The following CRACD variants were observed in gnomAD, a reference collection of about 807,000 sequenced individuals.
CRACD encodes capping protein-inhibiting regulator of actin dynamics.
CRACD carries 56 observed loss-of-function variants against 106.8 expected under a neutral mutation model. The observed-to-expected ratio is 0.52, with a 90% CI of 0.42 to 0.66. CRACD has a LOEUF of 0.66. Among genes scored for constraint, CRACD ranks in the 30% least tolerant of loss-of-function variants. The probability of loss-of-function intolerance (pLI) is 0.00; values close to 1 mark genes in which losing one functional copy is unlikely to be tolerated. For missense variants in CRACD, 1,730 were observed against 1,623.2 expected, an observed-to-expected ratio of 1.07 and a Z score of -1.13; for synonymous variants, 754 against 670.8, an observed-to-expected ratio of 1.12 and a Z score of -1.92.
At chr4:56,171,274 AAAAG>A (rs777026526) in intron 1 of CRACD, among the ~76,000 whole-genome samples, 3 of 152,188 alleles carry the variant, frequency 2.0e-5, no homozygotes, top group Admixed American at 6.5e-5. Context: ...TAAAAAAAAA[AAAAG>A]AAAGACTATG....
chr4:56,237,446 T>A lies in CRACD; in HGVS notation c.-188-34875T>A, dbSNP rs756719126. Among the ~76,000 whole-genome samples the A allele has an allele frequency of 7.8e-4, 119 of 152,146 alleles. 1 individual carries two copies. The highest frequency in any genetic ancestry group is 4.8e-3 in the Admixed American group (73 of 15,274). ...AAAAAATTAGTAAGAAAGATGGACC[T>A]TAGGTTCAAAGAATTGGGCTGATTA... On this transcript the variant is annotated intron_variant, in intron 2 of 10. Transcript: ENST00000682029.
chr4:56,056,931 A>G (rs184280029), intron 1 of CRACD, among the ~76,000 whole-genome samples: 203 of 152,310 alleles, frequency 1.3e-3, no homozygotes, highest in African/African-American at 4.5e-3. Context: ...TAAAAAACCA[A>G]CATACTGGAT....
At chr4:56,325,699 G>A (rs1746397448) in intron 10 of CRACD, among the ~76,000 whole-genome samples, 1 of 152,142 alleles carries the variant, frequency 6.6e-6, no homozygotes, top group African/African-American at 2.4e-5. Context: ...CTTGAAGGAT[G>A]GATGACTCTG....
Position 56,314,410 on chromosome 4 carries a change from C to T in CRACD, c.908C>T (p.Ala303Val), listed in dbSNP as rs911906391. Residue 303 changes from alanine to valine, a missense_variant, in exon 8 of 11, where the codon GCG becomes GTG. By Grantham distance (64) the Ala-to-Val change is moderately conservative. This residue lies in a region of CRACD where 1,620 missense variants were observed against 1,481.6 expected (regional missense o/e 1.09). Coordinates refer to ENST00000682029, the MANE Select transcript of CRACD (RefSeq NM_001393381.1). The surrounding 1 kb of genome is among the most constrained non-coding windows in gnomAD (Gnocchi z 4.4). The stretch of plus-strand genomic sequence containing the variant: ...CTGGAAGCGCCAGGTTGGGAGGACG[C>T]GGAGCGGAGGGAGCGTGAGGAGCGC... ...RSLEAPGWED[A>V]ERREREERER... 1.3e-6 allele frequency: 2 copies of T among 1,540,992 alleles called. No homozygotes were observed. Among genetic ancestry groups the T allele is most frequent in the Non-Finnish European group, 1.7e-6 (2 of 1,143,526 alleles).
intron 1 of CRACD, among the ~76,000 whole-genome samples, chr4:56,148,029 C>T (rs1178023379): frequency 6.6e-6 from 1 of 152,094 alleles, no homozygotes; most frequent in Admixed American, 6.5e-5. Context: ...AGGGAAAAGG[C>T]CATGTGAAGA....
chr4:56,053,181 A>G (rs980289681), intron 1 of CRACD, among the ~76,000 whole-genome samples: 1 of 152,220 alleles, frequency 6.6e-6, no homozygotes, highest in African/African-American at 2.4e-5. Context: ...TTAAGGCACA[A>G]AATGAAGCCT....
At chr4:56,209,249 A>G (rs919679541) in intron 2 of CRACD, among the ~76,000 whole-genome samples, 1 of 152,124 alleles carries the variant, frequency 6.6e-6, no homozygotes, top group Non-Finnish European at 1.5e-5. Flanking sequence ...TTTTATCTAC[A>G]TTCCTTTTAT....
intron 1 of CRACD, among the ~76,000 whole-genome samples, chr4:56,128,938 GTATT>G (rs1482140159): frequency 6.6e-6 from 1 of 152,008 alleles, no homozygotes; most frequent in Non-Finnish European, 1.5e-5. Context: ...TCTTCAGCAA[GTATT>G]TATTCTTTAA....
chr4:56,182,756 T>C (rs1736885300), intron 2 of CRACD, among the ~76,000 whole-genome samples: 1 of 152,170 alleles, frequency 6.6e-6, no homozygotes, highest in Non-Finnish European at 1.5e-5. Context: ...TTTTTCCTCT[T>C]TTAGGAAGTT....
chr4:56,194,899 A>T (rs563755160), intron 2 of CRACD, among the ~76,000 whole-genome samples: 30 of 152,232 alleles, frequency 2.0e-4, no homozygotes, highest in Non-Finnish European at 3.5e-4. Flanking sequence ...CCTCTGGGAT[A>T]GATCTGGCCA....
intron 2 of CRACD, among the ~76,000 whole-genome samples, chr4:56,228,607 CAAAAAAAAA>C (rs35810086): frequency 1.1e-4 from 11 of 101,522 alleles, no homozygotes; most frequent in African/African-American, 4.1e-4. Flanking sequence ...CCATCTCTAC[CAAAAAAAAA>C]AAAAAAAAAA....
chr4:56,203,930 A>G (rs553658771), intron 2 of CRACD, among the ~76,000 whole-genome samples: 8 of 152,186 alleles, frequency 5.3e-5, no homozygotes, highest in Admixed American at 3.9e-4. Flanking sequence ...CTGGGACAAA[A>G]CTGCTGTTTG....
At chr4:56,235,127 CAT>C (rs1739889570) in intron 2 of CRACD, among the ~76,000 whole-genome samples, 2 of 152,262 alleles carry the variant, frequency 1.3e-5, no homozygotes, top group South Asian at 4.1e-4. Context: ...CCTATATTCA[CAT>C]GATTGTATCC....
intron 7 of CRACD, 149 bp downstream of exon 7, chr4:56,313,528 C>G: frequency 1.4e-6 from 1 of 708,180 alleles, no homozygotes; most frequent in East Asian, 2.7e-5. Context: ...TTGGGGAATA[C>G]ACAGGCCTGT....
Position 56,057,804 on chromosome 4 carries a change from T to TAATAGAGATGGGG in CRACD, c.-336+8505_-336+8506insAATAGAGATGGGG, listed in dbSNP as rs1354572220. ...ACACCTGGCTCATTTTTTGTATTTT[T>TAATAGAGATGGGG]TTTTTTTTTGTTTTTTTTTTTTTTT... is the stretch of plus-strand genomic sequence containing the variant. On this transcript the variant is annotated intron_variant, in intron 1 of 10. Coordinates refer to ENST00000682029, the MANE Select transcript of CRACD (RefSeq NM_001393381.1). Among the ~76,000 whole-genome samples, 601 of 106,730 alleles carry TAATAGAGATGGGG rather than the reference T, an allele frequency of 5.6e-3. 6 individuals carry two copies. Among genetic ancestry groups the TAATAGAGATGGGG allele is most frequent in the African/African-American group, 0.01 (195 of 19,316 alleles). 70.0% of individuals were successfully genotyped at this position (106,730 alleles called of 152,430 possible).
rs1735926566 is a variant in CRACD at position 56,160,838 on chromosome 4, T to A, written c.-335-18446T>A. Reference sequence around the variant, plus strand: ...GGTGCAGCTTCCTGCTCAGTGCTCCTTGTCCCCTGGACTCCTGCCATTTGA... The same window carrying A: ...GGTGCAGCTTCCTGCTCAGTGCTCCATGTCCCCTGGACTCCTGCCATTTGA... On this transcript the variant is annotated intron_variant, in intron 1 of 10. Transcript: ENST00000682029. 2.0e-5 allele frequency among the ~76,000 whole-genome samples: 3 copies of A among 152,260 alleles called. No individual in the cohort carries two copies. The South Asian group carries it at 6.2e-4, about 31-fold the overall frequency.
chr4:56,207,367 C>A (rs1175100204), intron 2 of CRACD, among the ~76,000 whole-genome samples: 1 of 152,168 alleles, frequency 6.6e-6, no homozygotes, highest in Non-Finnish European at 1.5e-5. Context: ...TTCATTTACT[C>A]CAAACCATGG....
At chr4:56,077,225 C>T (rs2109804439) in intron 1 of CRACD, among the ~76,000 whole-genome samples, 1 of 152,310 alleles carries the variant, frequency 6.6e-6, no homozygotes, top group Middle Eastern at 3.4e-3. Flanking sequence ...CAACTCTTTA[C>T]AGGGTGGCAG....
intron 1 of CRACD, among the ~76,000 whole-genome samples, chr4:56,093,439 A>G (rs1204325315): frequency 6.6e-6 from 1 of 152,196 alleles, no homozygotes; most frequent in Non-Finnish European, 1.5e-5. Context: ...TCTTTATTAG[A>G]TGATGAATAT....
Sources: allele counts gnomAD v4.1 joint callset (sites outside exome capture counted in the v4.1 genomes callset), GRCh38; gene constraint gnomAD v4.1.1; regional missense constraint gnomAD v4.1.1; non-coding constraint Gnocchi (gnomAD v3.1); transcripts MANE v1.5; gene names NCBI Gene and HGNC (gene_info 2026-07-23, HGNC 2026-07-21).